EPHB2: variants seen among roughly 807,000 people sequenced by gnomAD.
EPHB2 encodes the protein ephrin type-B receptor 2.
Under a neutral mutation model 96.4 loss-of-function variants are expected in EPHB2, and 18 were observed. The ratio of observed to expected loss-of-function variants is 0.19; its 90% CI spans 0.13 to 0.28. The LOEUF (loss-of-function observed/expected upper bound fraction) is 0.28. EPHB2 is among the 10% of genes least tolerant of loss of function. The probability of loss-of-function intolerance (pLI) is 1.00; values close to 1 mark genes in which losing one functional copy is unlikely to be tolerated. For synonymous variants in EPHB2, 506 were observed against 534.1 expected (o/e 0.95, Z 0.72); for missense variants, 989 against 1,355.4 (o/e 0.73, Z 4.25).
chr1:22,865,299 A>G, intron 5 of EPHB2, 87 bp downstream of exon 5: 1 of 1,449,030 alleles, frequency 6.9e-7, no homozygotes, highest in Admixed American at 1.7e-5. Context: ...ACTCCTTCAC[A>G]TCTATGGAGT....
At chr1:22,840,916 T>C (rs1215721756) in intron 3 of EPHB2, among the ~76,000 whole-genome samples, 1 of 152,182 alleles carries the variant, frequency 6.6e-6, no homozygotes, top group Non-Finnish European at 1.5e-5. Context: ...ATAGGGAAAC[T>C]GAGGCACAGA....
intron 1 of EPHB2, among the ~76,000 whole-genome samples, chr1:22,711,733 C>T (rs565100563): frequency 6.8e-4 from 103 of 152,226 alleles, no homozygotes; most frequent in South Asian, 2.7e-3. Context: ...CCCGCGGCCG[C>T]GGCGCTCAGC....
chr1:22,744,694 AAAAAG>A (rs1643946578), intron 1 of EPHB2, among the ~76,000 whole-genome samples: 1 of 146,614 alleles, frequency 6.8e-6, no homozygotes, highest in Non-Finnish European at 1.5e-5. Flanking sequence ...AAAAAAAAAA[AAAAAG>A]GAAAGCATAG....
intron 1 of EPHB2, chr1:22,774,641 T>G (rs1570252887): frequency 1.0e-6 from 1 of 984,742 alleles, no homozygotes; most frequent in Non-Finnish European, 1.2e-6. Context: ...GGCTGGAAGG[T>G]AATTAGCTGG....
At position 22,921,362 on chromosome 1, in the gene EPHB2, C is replaced by A. The variant is rs915480569; in HGVS notation, c.*7792C>A. 2 of 152,182 alleles carry A rather than the reference C, an allele frequency of 1.3e-5. No individual in the cohort carries two copies. The highest frequency in any genetic ancestry group is 2.9e-5 in the Non-Finnish European group (2 of 68,050). The allele number at this position is 152,182 out of a possible 1,614,324, so 9.4% of individuals were successfully genotyped here. On this transcript the variant is annotated 3_prime_UTR_variant, in exon 16 of 16. Coordinates refer to ENST00000374630, the MANE Select transcript of EPHB2 (RefSeq NM_017449.5). The stretch of plus-strand genomic sequence containing the variant: ...CGCCGTGGGTCAGACCTGGCTCCTC[C>A]GGACCCCACTGCTGTGACCAAGGAA...
At chr1:22,771,532 C>T (rs939914105) in intron 1 of EPHB2, among the ~76,000 whole-genome samples, 8 of 152,222 alleles carry the variant, frequency 5.3e-5, no homozygotes, top group African/African-American at 1.9e-4. Flanking sequence ...TCCCAGGCCC[C>T]CTGCCTTCAT....
intron 1 of EPHB2, among the ~76,000 whole-genome samples, chr1:22,731,630 G>C (rs1643715118): frequency 6.6e-6 from 1 of 152,170 alleles, no homozygotes; most frequent in African/African-American, 2.4e-5. Context: ...ACGAGGTCAG[G>C]AGTTCAAGAC....
At chr1:22,894,582 G>T (rs1570449609) in intron 7 of EPHB2, among the ~76,000 whole-genome samples, 1 of 150,076 alleles carries the variant, frequency 6.7e-6, no homozygotes, top group East Asian at 2.0e-4. Context: ...AGTGACAAGA[G>T]TGAAACTCCC....
Position 22,891,219 on chromosome 1 carries a change from A to T in EPHB2, c.1429-1665A>T, listed in dbSNP as rs539238912. On this transcript the variant is annotated intron_variant, in intron 6 of 15. Coordinates refer to ENST00000374630, the MANE Select transcript of EPHB2 (RefSeq NM_017449.5). ...ATTTGAACCCAAGAAGTCTGGCTCC[A>T]GCTTGTGATCTTAACCTCCATGCTA... is the stretch of plus-strand genomic sequence containing the variant. The T allele has an allele frequency of 1.6e-4, 71 of 455,992 alleles. 2 individuals carry two copies. Among genetic ancestry groups the T allele is most frequent in the South Asian group, 1.1e-3 (68 of 64,552 alleles). The allele number at this position is 455,992 out of a possible 1,614,324, so 28.2% of individuals were successfully genotyped here. A position where few individuals can be genotyped will look rare whatever the true frequency, so the allele number is the denominator to read the frequency against.
intron 3 of EPHB2, among the ~76,000 whole-genome samples, chr1:22,816,270 C>T (rs190896989): frequency 6.6e-6 from 1 of 152,190 alleles, no homozygotes; most frequent in African/African-American, 2.4e-5. Context: ...CCTCTCTGAG[C>T]CCCAGCCCTG....
chr1:22,740,642 C>G (rs1368334072), intron 1 of EPHB2, among the ~76,000 whole-genome samples: 1 of 152,210 alleles, frequency 6.6e-6, no homozygotes, highest in African/African-American at 2.4e-5. Flanking sequence ...TGTCCCACCA[C>G]CCTGAGTGTC....
At chr1:22,761,495 T>C (rs185849574) in intron 1 of EPHB2, among the ~76,000 whole-genome samples, 139 of 152,288 alleles carry the variant, frequency 9.1e-4, no homozygotes, top group African/African-American at 3.2e-3. Context: ...GAATAAGCAT[T>C]GGAGCCATGT....
intron 1 of EPHB2, among the ~76,000 whole-genome samples, chr1:22,727,599 C>A (rs927217002): frequency 2.6e-5 from 4 of 152,076 alleles, no homozygotes; most frequent in African/African-American, 9.7e-5. Flanking sequence ...CAGAAGGGGA[C>A]AGCTAGTTGC....
rs936762502 is a variant in EPHB2 at position 22,913,974 on chromosome 1, T to G, written c.*404T>G. On this transcript the variant is annotated 3_prime_UTR_variant, in exon 16 of 16. Transcript: ENST00000374630. The surrounding 1 kb of genome is among the most constrained non-coding windows in gnomAD (Gnocchi z 4.1). ...ACCTGGCCAGAGCCAAGAAACACTT[T>G]CAGAAAAACAAATGTGAAGGGGAGA... 33 of 1,412,070 alleles carry G rather than the reference T, an allele frequency of 2.3e-5. No individual in the cohort carries two copies. In the East Asian group the frequency reaches 7.0e-4, roughly 30 times the overall value. 87.5% of individuals were successfully genotyped at this position (1,412,070 alleles called of 1,614,324 possible).
At chr1:22,724,360 C>T (rs1402132161) in intron 1 of EPHB2, among the ~76,000 whole-genome samples, 1 of 152,138 alleles carries the variant, frequency 6.6e-6, no homozygotes. Flanking sequence ...TGTCTAAGGC[C>T]AGCTCTCTAA....
Position 22,878,757 on chromosome 1 carries a change from AG to A in EPHB2, c.1304-3599del, listed in dbSNP as rs1557730403. The stretch of plus-strand genomic sequence containing the variant: ...TACGGGTCTGTTGGACTCCACCCTC[AG>A]GGCTCCCCACCGCTAGGCTAGACGG... On this transcript the variant is annotated intron_variant, in intron 5 of 15. Transcript: ENST00000374630. 3.3e-5 allele frequency among the ~76,000 whole-genome samples: 5 copies of A among 152,302 alleles called. No individual in the cohort carries two copies. In the East Asian group the frequency reaches 7.7e-4, roughly 24 times the overall value.
chr1:22,780,902 G>T (rs2148418490), intron 1 of EPHB2, among the ~76,000 whole-genome samples: 1 of 152,188 alleles, frequency 6.6e-6, no homozygotes, highest in South Asian at 2.1e-4. Context: ...CTAGGCTGTG[G>T]GGGTAGGCGG....
intron 1 of EPHB2, among the ~76,000 whole-genome samples, chr1:22,723,580 G>A (rs1475548522): frequency 6.6e-6 from 1 of 152,268 alleles, no homozygotes; most frequent in African/African-American, 2.4e-5. Context: ...ATGAGGCTGG[G>A]CCCCTTGGCC....
At position 22,751,766 on chromosome 1, in the gene EPHB2, C is replaced by T. The variant is rs139513125; in HGVS notation, c.62-29655C>T. ...TGGGCTGGGAGGATCACCTGCCACA[C>T]AGAAAGGCGGGAATGATGTCAGCTC... On this transcript the variant is annotated intron_variant, in intron 1 of 15. Transcript: ENST00000374630. 1.1e-3 allele frequency among the ~76,000 whole-genome samples: 169 copies of T among 152,332 alleles called. 1 individual carries two copies. The highest frequency in any genetic ancestry group is 4.0e-3 in the African/African-American group (166 of 41,576).
Sources: gnomAD v4.1 joint callset for allele counts (sites outside exome capture counted in the v4.1 genomes callset) on GRCh38, gnomAD v4.1.1 for gene constraint, Gnocchi (gnomAD v3.1) non-coding constraint, MANE v1.5 for transcripts, NCBI Gene and HGNC (gene_info 2026-07-23, HGNC 2026-07-21) for gene names.